Variants in TMCO1 observed in about 807,000 individuals in gnomAD.
TMCO1 encodes the protein calcium load-activated calcium channel.
TMCO1 carries 29 observed loss-of-function variants against 29.3 expected under a neutral mutation model. The observed-to-expected ratio is 0.99, with a 90% CI of 0.74 to 1.35. TMCO1 has a LOEUF of 1.35. TMCO1 is among the 40% of genes most tolerant of loss of function. The pLI is 0.00. For missense variants in TMCO1, 173 were observed against 225.5 expected (o/e 0.77, Z 1.49); for synonymous variants, 80 against 77.1 (o/e 1.04, Z -0.20).
At chr1:165,734,891 A>T (rs1457382627) in intron 6 of TMCO1, among the ~76,000 whole-genome samples, 2 of 152,170 alleles carry the variant, frequency 1.3e-5, no homozygotes, top group Non-Finnish European at 2.9e-5. Flanking sequence ...ATAAAATGTG[A>T]TGTATAAAAG....
intron 6 of TMCO1, among the ~76,000 whole-genome samples, chr1:165,729,286 C>A (rs1651037862): frequency 6.6e-6 from 1 of 150,550 alleles, no homozygotes. Flanking sequence ...TACTTTTATT[C>A]AGTTTTTAAA....
downstream of TMCO1, chr1:165,725,838 TAG>T: frequency 2.1e-6 from 1 of 485,138 alleles, no homozygotes; most frequent in Non-Finnish European, 4.0e-6. Flanking sequence ...CTTTTAAGAA[TAG>T]AGTGAATATA....
At chr1:165,761,514 G>A (rs567365844) in intron 2 of TMCO1, among the ~76,000 whole-genome samples, 7 of 152,034 alleles carry the variant, frequency 4.6e-5, no homozygotes, top group East Asian at 1.9e-4. Context: ...CAGCCTATGC[G>A]AGAGCGAGAC....
chr1:165,752,662 C>T (rs920206420), intron 4 of TMCO1, among the ~76,000 whole-genome samples: 5 of 151,360 alleles, frequency 3.3e-5, no homozygotes, highest in East Asian at 2.0e-4. Context: ...GGCGTACTGG[C>T]GGGTGCCTGT....
chr1:165,736,153 C>T (rs1369640288), intron 6 of TMCO1, among the ~76,000 whole-genome samples: 1 of 152,192 alleles, frequency 6.6e-6, no homozygotes, highest in African/African-American at 2.4e-5. Flanking sequence ...AGGCAGGAAA[C>T]AGGACCTCAC....
At chr1:165,768,598 C>A (rs1652670541) in intron 1 of TMCO1, 84 bp downstream of exon 1, 1 of 1,608,200 alleles carries the variant, frequency 6.2e-7, no homozygotes, top group Admixed American at 1.7e-5. Flanking sequence ...GTAAGGCTCG[C>A]GATCTTTCCC....
At position 165,754,219 on chromosome 1, in the gene TMCO1, G is replaced by T; in HGVS notation, c.255+9C>A. On this transcript the variant is annotated intron_variant, in intron 4 of 6. Coordinates refer to ENST00000367881, the MANE Select transcript of TMCO1 (RefSeq NM_019026.6). Reference sequence around the variant, plus strand: ...TGGTTAACCATGAAGTTATAGTTAGGTCTCTTACCATTGATAGATCTCTGT... The same window carrying T: ...TGGTTAACCATGAAGTTATAGTTAGTTCTCTTACCATTGATAGATCTCTGT... 6.2e-7 allele frequency: 1 copy of T among 1,606,324 alleles called. No individual in the cohort carries two copies. The highest frequency in any genetic ancestry group is 8.5e-7 in the Non-Finnish European group (1 of 1,173,428).
At position 165,743,214 on chromosome 1, in the gene TMCO1, A is replaced by T. The variant is rs755533576; in HGVS notation, c.421T>A (p.Cys141Ser). Reference protein sequence around the residue: ...RNLLGDDTTDCSFIFLYILCT... With the variant: ...RNLLGDDTTDSSFIFLYILCT... ...AGAATATACAGGAAAATGAAGGAAC[A>T]GTCTGTGGTGTCATCTCCCAGCAGA... is the stretch of plus-strand genomic sequence containing the variant. The change falls in exon 6 of 7, where the codon TGT becomes AGT. Residue 141 changes from cysteine (C) to serine (S), a missense_variant. Physicochemically the swap from Cys to Ser is moderately radical, Grantham distance 112 (BLOSUM62 -1). Coordinates refer to ENST00000367881, the MANE Select transcript of TMCO1 (RefSeq NM_019026.6). The T allele has an allele frequency of 1.9e-6, 3 of 1,614,028 alleles. No individual in the cohort carries two copies. Among genetic ancestry groups the T allele is most frequent in the Non-Finnish European group, 2.5e-6 (3 of 1,179,980 alleles).
Position 165,743,074 on chromosome 1 carries a change from T to C in TMCO1, c.468+93A>G, listed in dbSNP as rs568506963. 2.8e-5 allele frequency: 42 copies of C among 1,474,044 alleles called. No homozygotes were observed. The Middle Eastern group carries it at 8.2e-4, about 29-fold the overall frequency. 91.3% of individuals were successfully genotyped at this position (1,474,044 alleles called of 1,614,324 possible). On this transcript the variant is annotated intron_variant, in intron 6 of 6. Transcript: ENST00000367881. ...AGCAACTGAAAGAACTCAGGAACAATGGGTAAACATTTCTAGTATTATAAA... is the reference window on the plus strand; with the variant it reads ...AGCAACTGAAAGAACTCAGGAACAACGGGTAAACATTTCTAGTATTATAAA...
chr1:165,735,864 A>T lies in TMCO1; in HGVS notation c.468+7303T>A, dbSNP rs530575768. Among the ~76,000 whole-genome samples, 8 of 152,346 alleles carry T rather than the reference A, an allele frequency of 5.3e-5. No individual in the cohort carries two copies. In the East Asian group the frequency reaches 1.3e-3, roughly 26 times the overall value. On this transcript the variant is annotated intron_variant, in intron 6 of 6. Transcript: ENST00000367881. Reference sequence around the variant, plus strand: ...AAGGCAGCCAATAAGCAGCCCAGTTAAGACTAAAATAACTGACCTGAGACT... The same window carrying T: ...AAGGCAGCCAATAAGCAGCCCAGTTTAGACTAAAATAACTGACCTGAGACT...
intron 6 of TMCO1, among the ~76,000 whole-genome samples, chr1:165,733,562 C>T (rs890718993): frequency 1.3e-5 from 2 of 151,732 alleles, no homozygotes; most frequent in Non-Finnish European, 2.9e-5. Context: ...TGCAGCTGCA[C>T]TCCAACCTGG....
chr1:165,761,676 C>T (rs1652409940), intron 2 of TMCO1, among the ~76,000 whole-genome samples: 2 of 151,740 alleles, frequency 1.3e-5, no homozygotes, highest in African/African-American at 4.8e-5. Context: ...ATGTCGGGTG[C>T]AGTGGCTCAG....
chr1:165,740,079 TC>T (rs1321691830), intron 6 of TMCO1, among the ~76,000 whole-genome samples: 5 of 152,012 alleles, frequency 3.3e-5, no homozygotes, highest in Non-Finnish European at 7.4e-5. Context: ...GCTATTGCAC[TC>T]CAGCCTGGGT....
In TMCO1 at chr1:165,768,220, C is replaced by T. The variant is rs769722351; in HGVS notation, c.120G>A (p.Lys40=). 2 of 1,614,014 alleles carry T rather than the reference C, an allele frequency of 1.2e-6. No homozygotes were observed. Among genetic ancestry groups the T allele is most frequent in the Non-Finnish European group, 1.7e-6 (2 of 1,180,008 alleles). Residue 40 remains lysine, a synonymous_variant, in exon 2 of 7, where the codon AAG becomes AAA. Coordinates refer to ENST00000367881, the MANE Select transcript of TMCO1 (RefSeq NM_019026.6). The part of the protein sequence containing the change: ...VYRTDKYKRL[K]AEVEKQSKKL... ...TTTTACTCTGTTTTTCCACTTCTGC[C>T]TTCAGTCTCTTGTACTTGTCTGTCC...
At chr1:165,767,850 T>C (rs1652632146) in intron 2 of TMCO1, among the ~76,000 whole-genome samples, 1 of 152,164 alleles carries the variant, frequency 6.6e-6, no homozygotes, top group African/African-American at 2.4e-5. Context: ...CAGCTAATTT[T>C]TTCTGTAGGG....
chr1:165,728,432 A>G (rs1209426601), intron 6 of TMCO1, among the ~76,000 whole-genome samples: 1 of 151,846 alleles, frequency 6.6e-6, no homozygotes, highest in African/African-American at 2.4e-5. Context: ...AATTTTCTGT[A>G]TATTTAGTAG....
chr1:165,725,271 T>C, downstream of TMCO1: 1 of 453,962 alleles, frequency 2.2e-6, no homozygotes, highest in Non-Finnish European at 4.4e-6. Context: ...AAAATGCTTT[T>C]GTTTTAGAAG....
chr1:165,748,459 C>T (rs1246387152), intron 5 of TMCO1, among the ~76,000 whole-genome samples: 1 of 152,080 alleles, frequency 6.6e-6, no homozygotes, highest in Non-Finnish European at 1.5e-5. Flanking sequence ...AATGACTACA[C>T]AGACAGAAAA....
chr1:165,761,530 C>T lies in TMCO1; in HGVS notation c.149-1946G>A, dbSNP rs190897645. On this transcript the variant is annotated intron_variant, in intron 2 of 6. Transcript: ENST00000367881. ...AGCCTATGCGAGAGCGAGACCCTGT[C>T]GCCAAAATAAAATAAAACAAAACAT... 1.8e-3 allele frequency among the ~76,000 whole-genome samples: 266 copies of T among 150,696 alleles called. 1 individual carries two copies. The highest frequency in any genetic ancestry group is 6.1e-3 in the African/African-American group (250 of 40,934).
Sources: gnomAD v4.1 joint callset for allele counts (sites outside exome capture counted in the v4.1 genomes callset) on GRCh38, gnomAD v4.1.1 for gene constraint, MANE v1.5 for transcripts, NCBI Gene and HGNC (gene_info 2026-07-23, HGNC 2026-07-21) for gene names.